ADCY2: variants seen among roughly 807,000 people sequenced by gnomAD.
The protein encoded by ADCY2 is adenylate cyclase type 2.
In ADCY2, 31 loss-of-function variants were observed where a neutral mutation model predicts 125.2. The ratio of observed to expected loss-of-function variants is 0.25; its 90% CI spans 0.19 to 0.33. The LOEUF is 0.33. Among genes scored for constraint, ADCY2 ranks in the 10% least tolerant of loss-of-function variants. ADCY2 has a pLI of 1.00. For synonymous variants in ADCY2, 512 were observed against 548.4 expected (o/e 0.93, Z 0.93); for missense variants, 904 against 1,418.2 (o/e 0.64, Z 5.82).
intron 2 of ADCY2, among the ~76,000 whole-genome samples, chr5:7,512,332 A>G (rs748172483): frequency 1.3e-5 from 2 of 151,570 alleles, no homozygotes; most frequent in South Asian, 2.1e-4. Flanking sequence ...TGGAAAATTC[A>G]TTCTAGGGGA....
chr5:7,569,939 T>A (rs1736019719), intron 3 of ADCY2, among the ~76,000 whole-genome samples: 1 of 152,148 alleles, frequency 6.6e-6, no homozygotes, highest in Non-Finnish European at 1.5e-5. Context: ...TTTCAATGGA[T>A]AAACATTAAT....
chr5:7,757,176 TA>T (rs1489559064), intron 15 of ADCY2, among the ~76,000 whole-genome samples: 1 of 152,188 alleles, frequency 6.6e-6, no homozygotes, highest in Non-Finnish European at 1.5e-5. Context: ...AGGAATCACT[TA>T]AAAACATAAT....
intron 18 of ADCY2, among the ~76,000 whole-genome samples, chr5:7,781,970 T>TTC (rs1743935831): frequency 6.6e-6 from 1 of 152,192 alleles, no homozygotes; most frequent in Non-Finnish European, 1.5e-5. Flanking sequence ...GAGTTGGCAG[T>TTC]TCTCTTTTGC....
At chr5:7,739,193 A>G (rs1742340238) in intron 14 of ADCY2, among the ~76,000 whole-genome samples, 1 of 151,936 alleles carries the variant, frequency 6.6e-6, no homozygotes, top group South Asian at 2.1e-4. Flanking sequence ...GAAAATACAG[A>G]AACAAATATG....
rs556401186 is a variant in ADCY2, at chr5:7,624,048, T to C, written c.571-2119T>C. On this transcript the variant is annotated intron_variant, in intron 3 of 24. Transcript: ENST00000338316. Reference sequence around the variant, plus strand: ...CCCAAATCTCTGTGAAATGAGTGAGTTACATGGAACAGCCTTGAAGGCCCC... The same window carrying C: ...CCCAAATCTCTGTGAAATGAGTGAGCTACATGGAACAGCCTTGAAGGCCCC... Among the ~76,000 whole-genome samples the C allele has an allele frequency of 9.2e-5, 14 of 152,268 alleles. No homozygotes were observed. The East Asian group carries it at 2.7e-3, about 29-fold the overall frequency.
chr5:7,432,488 A>G (rs1170062433), intron 2 of ADCY2, among the ~76,000 whole-genome samples: 1 of 152,124 alleles, frequency 6.6e-6, no homozygotes, highest in Non-Finnish European at 1.5e-5. Flanking sequence ...CCAGCGCCCA[A>G]AAGCATTCAC....
chr5:7,775,197 G>GTC (rs1296193252), intron 18 of ADCY2, among the ~76,000 whole-genome samples: 1 of 151,690 alleles, frequency 6.6e-6, no homozygotes, highest in Admixed American at 6.6e-5. Context: ...GTGTGTGTGT[G>GTC]TGTGTGTGTG....
intron 3 of ADCY2, among the ~76,000 whole-genome samples, chr5:7,581,315 T>C (rs1736424216): frequency 6.6e-6 from 1 of 152,088 alleles, no homozygotes; most frequent in Admixed American, 6.6e-5. Flanking sequence ...CAAACACACA[T>C]ATATTTCATA....
intron 15 of ADCY2, among the ~76,000 whole-genome samples, chr5:7,750,837 T>C (rs970742984): frequency 2.0e-5 from 3 of 152,038 alleles, no homozygotes; most frequent in African/African-American, 7.2e-5. Context: ...TGACTTTTAT[T>C]TTTGAGACTC....
chr5:7,449,941 C>T lies in ADCY2; in HGVS notation c.408+35171C>T, dbSNP rs78363209. On this transcript the variant is annotated intron_variant, in intron 2 of 24. Coordinates refer to ENST00000338316, the MANE Select transcript of ADCY2 (RefSeq NM_020546.3). ...TTAAGTGTTTTGGGGCACCACGAACCGCAGCCACATTTGACGGTGAACTTA... is the reference window on the plus strand; with the variant it reads ...TTAAGTGTTTTGGGGCACCACGAACTGCAGCCACATTTGACGGTGAACTTA... Among the ~76,000 whole-genome samples the T allele has an allele frequency of 4.9e-4, 74 of 152,258 alleles. No homozygotes were observed. The East Asian group carries it at 0.011, about 22-fold the overall frequency.
chr5:7,775,175 TTGTGTGTGTG>T lies in ADCY2; in HGVS notation c.2384+2100_2384+2109del, dbSNP rs200142910. ...GTGCCTGCCACCATGCCCAGCTACTTTGTGTGTGTGTGTGTGTGTGTGTGTGTGTGTGTGT... is the reference window on the plus strand; with the variant it reads ...GTGCCTGCCACCATGCCCAGCTACTTTGTGTGTGTGTGTGTGTGTGTGTGT... On this transcript the variant is annotated intron_variant, in intron 18 of 24. Transcript: ENST00000338316. Among the ~76,000 whole-genome samples the T allele has an allele frequency of 1.4e-4, 20 of 146,266 alleles. No homozygotes were observed. In the South Asian group the frequency reaches 1.6e-3, roughly 11 times the overall value.
At chr5:7,581,878 A>G (rs1561107850) in intron 3 of ADCY2, among the ~76,000 whole-genome samples, 1 of 152,102 alleles carries the variant, frequency 6.6e-6, no homozygotes, top group African/African-American at 2.4e-5. Context: ...AATGTAAAAC[A>G]TGTAGGATGA....
intron 10 of ADCY2, among the ~76,000 whole-genome samples, chr5:7,712,344 G>A (rs745852473): frequency 6.6e-6 from 1 of 152,100 alleles, no homozygotes; most frequent in Non-Finnish European, 1.5e-5. Flanking sequence ...CTCCTTTGCC[G>A]ATTTCTTCAT....
chr5:7,700,718 A>T (rs900842440), intron 7 of ADCY2, among the ~76,000 whole-genome samples: 1 of 2,418 alleles, frequency 4.1e-4, no homozygotes, highest in African/African-American at 9.3e-4. Context: ...CCTCGCACCC[A>T]CCACACACAC....
chr5:7,490,051 A>G lies in ADCY2; in HGVS notation c.409-30687A>G, dbSNP rs78862013. 3.6e-3 allele frequency among the ~76,000 whole-genome samples: 547 copies of G among 152,212 alleles called. 28 individuals are homozygous for G. The East Asian group carries it at 0.089, about 25-fold the overall frequency. The stretch of plus-strand genomic sequence containing the variant: ...AAGACTCTAAGGAATGTAGTGGTAA[A>G]AATTATCATTCTTGGTGGGCTGGGG... On this transcript the variant is annotated intron_variant, in intron 2 of 24. Transcript: ENST00000338316.
intron 2 of ADCY2, among the ~76,000 whole-genome samples, chr5:7,477,878 A>C (rs114426367): frequency 0.012 from 1,880 of 152,240 alleles, 17 homozygotes; most frequent in Non-Finnish European, 0.021. Context: ...ATTTAATTAC[A>C]TCAGATATAT....
chr5:7,666,693 C>T (rs1175441830), intron 4 of ADCY2, among the ~76,000 whole-genome samples: 3 of 152,220 alleles, frequency 2.0e-5, no homozygotes, highest in Non-Finnish European at 4.4e-5. Context: ...TCTAAATGCT[C>T]AGCTCTTTCC....
intron 4 of ADCY2, among the ~76,000 whole-genome samples, chr5:7,667,435 A>C (rs535425863): frequency 1.3e-3 from 200 of 152,282 alleles, no homozygotes; most frequent in African/African-American, 4.4e-3. Flanking sequence ...CAAACTCCAA[A>C]AGATATCTAC....
At position 7,698,358 on chromosome 5, in the gene ADCY2, A is replaced by G. The variant is rs1305158852; in HGVS notation, c.1093A>G (p.Met365Val). The change falls in exon 7 of 25, where the codon ATG (methionine) becomes GTG (valine). Residue 365 changes from methionine (M) to valine (V), a missense_variant. By Grantham distance (21) the Met-to-Val change is conservative. Coordinates refer to ENST00000338316, the MANE Select transcript of ADCY2 (RefSeq NM_020546.3). ...GAACTGTGTGAAAATGGGGCTGGAC[A>G]TGTGTGAAGCCATAAAGTAAGTGGA... ...AKNCVKMGLD[M>V]CEAIKKVRDA... 1 of 1,614,026 alleles carries G rather than the reference A, an allele frequency of 6.2e-7. No homozygotes were observed.
Sources: allele counts gnomAD v4.1 joint callset (sites outside exome capture counted in the v4.1 genomes callset), GRCh38; gene constraint gnomAD v4.1.1; transcripts MANE v1.5; gene names NCBI Gene and HGNC (gene_info 2026-07-23, HGNC 2026-07-21).